ZC3H3: variants seen among roughly 807,000 people sequenced by gnomAD.
ZC3H3 encodes the protein zinc finger CCCH-type containing 3.
Under a neutral mutation model 77.3 loss-of-function variants are expected in ZC3H3, and 36 were observed. The observed-to-expected ratio is 0.47, with a 90% CI of 0.36 to 0.61. The LOEUF (loss-of-function observed/expected upper bound fraction) is 0.61, where lower values mean the gene tolerates loss of function less well. Ranked by LOEUF, ZC3H3 falls within the 20% of genes least tolerant of loss-of-function variation. ZC3H3 has a pLI of 0.00. For missense variants in ZC3H3, 1,331 were observed against 1,312.2 expected, an observed-to-expected ratio of 1.01 and a Z score of -0.22; for synonymous variants, 626 against 555.2, an observed-to-expected ratio of 1.13 and a Z score of -1.79.
chr8:143,504,162 C>A (rs961673503), intron 4 of ZC3H3, among the ~76,000 whole-genome samples: 4 of 152,202 alleles, frequency 2.6e-5, no homozygotes, highest in Middle Eastern at 3.2e-3. Flanking sequence ...GTGCCCAGGG[C>A]AGAGCTAGGG....
chr8:143,472,222 T>C (rs914011618), intron 5 of ZC3H3, among the ~76,000 whole-genome samples: 2 of 152,000 alleles, frequency 1.3e-5, no homozygotes, highest in Non-Finnish European at 2.9e-5. Flanking sequence ...GGTGCAGGGG[T>C]GAGACATGCC....
chr8:143,514,443 C>CCA (rs1821968441), intron 3 of ZC3H3, among the ~76,000 whole-genome samples: 1 of 152,240 alleles, frequency 6.6e-6, no homozygotes, highest in Non-Finnish European at 1.5e-5. Context: ...CTCGGTGTTA[C>CCA]CACACAGCAA....
intron 9 of ZC3H3, among the ~76,000 whole-genome samples, chr8:143,457,006 T>TA: frequency 6.6e-6 from 1 of 152,324 alleles, no homozygotes; most frequent in East Asian, 1.9e-4. Flanking sequence ...CAATTATAGT[T>TA]AGAGACTTCA....
intron 10 of ZC3H3, among the ~76,000 whole-genome samples, 171 bp downstream of exon 10, chr8:143,440,765 A>AG (rs2129785267): frequency 6.6e-6 from 1 of 152,308 alleles, no homozygotes; most frequent in African/African-American, 2.4e-5. Flanking sequence ...GAAGTGGGGT[A>AG]GGGGCATCTC....
chr8:143,499,493 G>C (rs1821460578), intron 4 of ZC3H3, among the ~76,000 whole-genome samples: 1 of 152,190 alleles, frequency 6.6e-6, no homozygotes, highest in Non-Finnish European at 1.5e-5. Flanking sequence ...AACACAGTGG[G>C]TGCATCTCTC....
At chr8:143,495,316 T>C (rs1821316814) in intron 4 of ZC3H3, among the ~76,000 whole-genome samples, 1 of 152,228 alleles carries the variant, frequency 6.6e-6, no homozygotes, top group Non-Finnish European at 1.5e-5. Context: ...CGAGAACATC[T>C]GACTCCATTG....
intron 9 of ZC3H3, among the ~76,000 whole-genome samples, chr8:143,444,027 T>C (rs1048753936): frequency 6.7e-6 from 1 of 149,824 alleles, no homozygotes; most frequent in East Asian, 2.0e-4. Flanking sequence ...CAGGCTGGAG[T>C]GCAGTGGCAC....
chr8:143,468,198 G>A lies in ZC3H3; in HGVS notation c.2175+11C>T, dbSNP rs371515171. 13 of 1,609,562 alleles carry A rather than the reference G, an allele frequency of 8.1e-6. No homozygotes were observed. Among genetic ancestry groups the A allele is most frequent in the Admixed American group, 5.0e-5 (3 of 59,886 alleles). ...GGTGCACGGGAGCAGGGCCACCAGC[G>A]CCGCACTCACCTTCTCCTTGGACAC... On this transcript the variant is annotated intron_variant, in intron 8 of 11. Transcript: ENST00000262577.
intron 3 of ZC3H3, among the ~76,000 whole-genome samples, chr8:143,526,423 G>C (rs766118547): frequency 5.9e-5 from 9 of 152,226 alleles, no homozygotes; most frequent in Non-Finnish European, 1.3e-4. Flanking sequence ...TGCTGGTGCC[G>C]AGCAGGAGAC....
intron 5 of ZC3H3, among the ~76,000 whole-genome samples, chr8:143,474,652 G>T (rs959334616): frequency 6.6e-6 from 1 of 152,164 alleles, no homozygotes; most frequent in African/African-American, 2.4e-5. Flanking sequence ...CTCTCTCTAG[G>T]TCCCAGGCGG....
rs996808110 is a variant in ZC3H3, at chr8:143,512,136, T to C, written c.1562-4237A>G. Among the ~76,000 whole-genome samples, 9 of 152,226 alleles carry C rather than the reference T, an allele frequency of 5.9e-5. No individual in the cohort carries two copies. In the South Asian group the frequency reaches 1.2e-3, roughly 21 times the overall value. On this transcript the variant is annotated intron_variant, in intron 3 of 11. Transcript: ENST00000262577. Reference sequence around the variant, plus strand: ...GGCCTGGGGCAGCCCAGACCCTGCATGCAAGGAGAGCGAGCAGGGAAGGGG... The same window carrying C: ...GGCCTGGGGCAGCCCAGACCCTGCACGCAAGGAGAGCGAGCAGGGAAGGGG...
At chr8:143,492,017 G>A (rs892619602) in intron 4 of ZC3H3, among the ~76,000 whole-genome samples, 3 of 152,192 alleles carry the variant, frequency 2.0e-5, no homozygotes, top group Non-Finnish European at 2.9e-5. Context: ...GTATCCCTGG[G>A]GAGGAGGGCA....
chr8:143,518,709 G>A (rs1224373058), intron 3 of ZC3H3, among the ~76,000 whole-genome samples: 1 of 152,190 alleles, frequency 6.6e-6, no homozygotes, highest in African/African-American at 2.4e-5. Flanking sequence ...CAAAGCTGGA[G>A]ATGGCACGTG....
At chr8:143,520,800 T>C (rs1822217071) in intron 3 of ZC3H3, among the ~76,000 whole-genome samples, 1 of 152,112 alleles carries the variant, frequency 6.6e-6, no homozygotes, top group Non-Finnish European at 1.5e-5. Context: ...GGACAGAACA[T>C]CTGATTTCCC....
At position 143,533,638 on chromosome 8, in the gene ZC3H3, C is replaced by T. The variant is rs1451594006; in HGVS notation, c.1561+2619G>A. 6.6e-6 allele frequency among the ~76,000 whole-genome samples: 1 copy of T among 151,938 alleles called. No homozygotes were observed. The highest frequency in any genetic ancestry group is 6.6e-5 in the Admixed American group (1 of 15,250). ...AGTGGGACGCCTTCCCCACCCCTTC[C>T]TCAGACAGGACCCTCTCCTCTCACT... On this transcript the variant is annotated intron_variant, in intron 3 of 11. Transcript: ENST00000262577. The surrounding 1 kb of genome is among the most constrained non-coding windows in gnomAD (Gnocchi z 4.0).
intron 4 of ZC3H3, among the ~76,000 whole-genome samples, chr8:143,477,962 A>T (rs187543215): frequency 2.3e-3 from 343 of 151,906 alleles, no homozygotes; most frequent in African/African-American, 7.9e-3. Flanking sequence ...GGGAGCCCCC[A>T]GCTCCCTGCC....
In ZC3H3 at chr8:143,536,327, G is replaced by A; in HGVS notation, c.1491C>T (p.Gly497=). The A allele has an allele frequency of 6.2e-7, 1 of 1,611,528 alleles. No individual in the cohort carries two copies. The part of the protein sequence containing the change: ...SPVLKKTPNK[G]LVQVTTHRLC... ...GTCGGTGCGTGGTGACCTGTACCAG[G>A]CCCTTGTTGGGGGTCTTCTTCAGGA... Residue 497 remains glycine, a synonymous_variant, in exon 3 of 12, where the codon GGC becomes GGT. Transcript: ENST00000262577.
At chr8:143,523,346 G>A (rs1822310489) in intron 3 of ZC3H3, 1 of 985,312 alleles carries the variant, frequency 1.0e-6, no homozygotes, top group Non-Finnish European at 1.2e-6. Flanking sequence ...AGAGCCAGAT[G>A]GGGGTCCCAC....
chr8:143,486,405 C>T (rs1821054549), intron 4 of ZC3H3, among the ~76,000 whole-genome samples: 1 of 152,362 alleles, frequency 6.6e-6, no homozygotes, highest in South Asian at 2.1e-4. Context: ...CTGGCTTGTA[C>T]TGTCCTCCCG....
Sources: allele counts gnomAD v4.1 joint callset (sites outside exome capture counted in the v4.1 genomes callset), GRCh38; gene constraint gnomAD v4.1.1; non-coding constraint Gnocchi (gnomAD v3.1); transcripts MANE v1.5; gene names NCBI Gene and HGNC (gene_info 2026-07-23, HGNC 2026-07-21).